LPAR6: variants seen among roughly 807,000 people sequenced by gnomAD.
LPAR6 encodes G-protein coupled purinergic receptor P2Y5.
LPAR6 carries 17 observed loss-of-function variants against 22.0 expected under a neutral mutation model. The ratio of observed to expected loss-of-function variants is 0.77; its 90% confidence interval spans 0.53 to 1.16. LPAR6 has a LOEUF of 1.16. Ranked by LOEUF, LPAR6 falls within the 50% of genes most tolerant of loss-of-function variation. The pLI, the probability that LPAR6 is intolerant of heterozygous loss-of-function variation, is 0.00. For synonymous variants in LPAR6, 136 were observed against 139.8 expected (o/e 0.97, Z 0.19); for missense variants, 384 against 406.9 (o/e 0.94, Z 0.48).
chr13:48,400,699 C>T (rs1948684446), intron 1 of LPAR6, among the ~76,000 whole-genome samples: 1 of 152,090 alleles, frequency 6.6e-6, no homozygotes, highest in African/African-American at 2.4e-5. Flanking sequence ...CAAATTATGT[C>T]TCTGTATCTC....
At position 48,411,305 on chromosome 13, in the gene LPAR6, G is replaced by A; in HGVS notation, c.*84C>T. 8.9e-7 allele frequency: 1 copy of A among 1,123,168 alleles called. No homozygotes were observed. Among genetic ancestry groups the A allele is most frequent in the Non-Finnish European group, 1.3e-6 (1 of 745,828 alleles). 69.6% of individuals were successfully genotyped at this position (1,123,168 alleles called of 1,614,324 possible). On this transcript the variant is annotated 3_prime_UTR_variant, in exon 1 of 1. Coordinates refer to ENST00000620633, the MANE Select transcript of LPAR6 (RefSeq NM_001162498.3). ...CCATGTGTTAATTTCTTTTGGAGGTGGAAAAATAGTTTGTCCAAAAAGACA... is the reference window on the plus strand; with the variant it reads ...CCATGTGTTAATTTCTTTTGGAGGTAGAAAAATAGTTTGTCCAAAAAGACA...
chr13:48,411,976 G>T lies in LPAR6; in HGVS notation c.448C>A (p.Pro150Thr). The change falls in exon 1 of 1, where the codon CCC (proline) becomes ACC (threonine). Residue 150 changes from proline to threonine, a missense_variant. Pro to Thr is a conservative substitution (Grantham distance 38). Coordinates refer to ENST00000620633, the MANE Select transcript of LPAR6 (RefSeq NM_001162498.3). ...VWLTVIGGSA[P>T]AVFVQSTHSQ... ...TGGGTAGACTGAACAAAAACGGCGGGTGCACTTCCTCCGATCACAGTTAAC... is the reference window on the plus strand; with the variant it reads ...TGGGTAGACTGAACAAAAACGGCGGTTGCACTTCCTCCGATCACAGTTAAC... The T allele has an allele frequency of 6.2e-7, 1 of 1,602,730 alleles. No homozygotes were observed. Among genetic ancestry groups the T allele is most frequent in the Non-Finnish European group, 8.5e-7 (1 of 1,173,754 alleles).
At chr13:48,441,181 G>A (rs1234698766) in intron 1 of LPAR6, among the ~76,000 whole-genome samples, 3 of 152,202 alleles carry the variant, frequency 2.0e-5, no homozygotes, top group African/African-American at 7.2e-5. Flanking sequence ...GCGGAGGCCT[G>A]TTTCCTGGTT....
chr13:48,421,806 A>T (rs1029029769), intron 2 of LPAR6, among the ~76,000 whole-genome samples: 5 of 152,234 alleles, frequency 3.3e-5, no homozygotes, highest in Non-Finnish European at 7.3e-5. Context: ...TGCAAATCAA[A>T]ACCACAATGA....
chr13:48,399,946 C>T (rs1312650606), intron 1 of LPAR6, among the ~76,000 whole-genome samples: 1 of 151,960 alleles, frequency 6.6e-6, no homozygotes, highest in Non-Finnish European at 1.5e-5. Flanking sequence ...TCACTCCTCC[C>T]CACCACACCA....
At chr13:48,433,181 C>T (rs1448742465) in intron 1 of LPAR6, among the ~76,000 whole-genome samples, 3 of 151,738 alleles carry the variant, frequency 2.0e-5, no homozygotes, top group African/African-American at 7.3e-5. Context: ...ATATCTAAAA[C>T]GTGACTTATT....
intron 1 of LPAR6, among the ~76,000 whole-genome samples, chr13:48,433,769 A>G (rs2138285688): frequency 6.6e-6 from 1 of 152,214 alleles, no homozygotes; most frequent in East Asian, 1.9e-4. Flanking sequence ...CTAGACAAAT[A>G]AGGACTTTGG....
intron 1 of LPAR6, among the ~76,000 whole-genome samples, chr13:48,392,653 T>C (rs1948619783): frequency 6.6e-6 from 1 of 152,186 alleles, no homozygotes; most frequent in African/African-American, 2.4e-5. Context: ...CTTTACCTTC[T>C]TGAACATATG....
intron 2 of LPAR6, among the ~76,000 whole-genome samples, chr13:48,418,660 C>T (rs1257720776): frequency 1.3e-5 from 2 of 150,052 alleles, no homozygotes; most frequent in East Asian, 1.9e-4. Context: ...TGCAAAGACA[C>T]GTGCTCTAAA....
At chr13:48,423,704 GA>G (rs1310065079) in intron 1 of LPAR6, among the ~76,000 whole-genome samples, 6 of 152,194 alleles carry the variant, frequency 3.9e-5, no homozygotes, top group Non-Finnish European at 8.8e-5. Context: ...AAAATCAAAT[GA>G]GAGAGTATGT....
Position 48,411,556 on chromosome 13 carries a change from C to T in LPAR6, c.868G>A (p.Val290Ile), listed in dbSNP as rs371355582. ...ATTGTGTCCGATGTAAAGTAGTAAA[C>T]TATAGGGTCAAAACAACAGTTGGAA... ...AVSNCCFDPI[V>I]YYFTSDTIQN... The change falls in exon 1 of 1, where the codon GTT becomes ATT. Residue 290 changes from valine to isoleucine, a missense_variant. By Grantham distance (29) the Val-to-Ile change is conservative (BLOSUM62 3). Transcript: ENST00000620633. The T allele has an allele frequency of 1.2e-5, 19 of 1,613,692 alleles. No homozygotes were observed. Among genetic ancestry groups the T allele is most frequent in the Non-Finnish European group, 1.6e-5 (19 of 1,179,850 alleles).
intron 1 of LPAR6, among the ~76,000 whole-genome samples, chr13:48,394,563 A>G (rs1194731606): frequency 1.3e-5 from 2 of 152,142 alleles, no homozygotes; most frequent in African/African-American, 4.8e-5. Flanking sequence ...AGAGCTAGGT[A>G]GGGGGAGGGG....
upstream of LPAR6, among the ~76,000 whole-genome samples, chr13:48,430,765 CAA>C (rs58163880): frequency 6.3e-3 from 951 of 150,054 alleles, 3 homozygotes; most frequent in Middle Eastern, 0.01. Context: ...AACAAACAAA[CAA>C]AAAAAAAAAA....
At position 48,440,366 on chromosome 13, in the gene LPAR6, G is replaced by A. The variant is rs4151571; in HGVS notation, c.-1474+4187C>T. Among the ~76,000 whole-genome samples, 115 of 152,320 alleles carry A rather than the reference G, an allele frequency of 7.5e-4. 3 individuals carry two copies. The highest frequency in any genetic ancestry group is 6.8e-3 in the Admixed American group (104 of 15,298). ...TGTGAGGCAAAGAGGAGGGAGGCTA[G>A]AGTTGATGAAGACATCTTTCTTTTA... On this transcript the variant is annotated intron_variant, in intron 1 of 6. Transcript: ENST00000378434.
Position 48,411,953 on chromosome 13 carries a change from G to A in LPAR6, c.471C>T (p.Thr157=). The A allele has an allele frequency of 6.2e-7, 1 of 1,612,488 alleles. No homozygotes were observed. The highest frequency in any genetic ancestry group is 1.3e-5 in the African/African-American group (1 of 74,990). The change falls in exon 1 of 1, where the codon ACC becomes ACT. Residue 157 remains threonine, a synonymous_variant. Coordinates refer to ENST00000620633, the MANE Select transcript of LPAR6 (RefSeq NM_001162498.3). The part of the protein sequence containing the change: ...GSAPAVFVQS[T]HSQGNNASEA... ...CTGAGGCATTGTTACCCTGAGAGTGGGTAGACTGAACAAAAACGGCGGGTG... is the reference window on the plus strand; with the variant it reads ...CTGAGGCATTGTTACCCTGAGAGTGAGTAGACTGAACAAAAACGGCGGGTG...
chr13:48,416,111 C>T (rs146773863), upstream of LPAR6, among the ~76,000 whole-genome samples: 295 of 152,144 alleles, frequency 1.9e-3, no homozygotes, highest in African/African-American at 6.6e-3. Context: ...TTGGGGGGAG[C>T]GAAAATTAAA....
chr13:48,396,076 G>C (rs1948645713), intron 1 of LPAR6, among the ~76,000 whole-genome samples: 1 of 152,196 alleles, frequency 6.6e-6, no homozygotes, highest in Non-Finnish European at 1.5e-5. Flanking sequence ...ACTGCCCACA[G>C]TAATTTATAG....
chr13:48,390,218 T>G (rs1948600605), intron 1 of LPAR6, among the ~76,000 whole-genome samples: 1 of 152,166 alleles, frequency 6.6e-6, no homozygotes, highest in Admixed American at 6.5e-5. Context: ...CATTAAATAA[T>G]TCATTCATTA....
chr13:48,403,977 G>A (rs999363430), intron 1 of LPAR6, among the ~76,000 whole-genome samples: 2 of 152,072 alleles, frequency 1.3e-5, no homozygotes, highest in African/African-American at 2.4e-5. Context: ...TTCCAGTCTG[G>A]GTGACAGAAT....
Sources: gnomAD v4.1 joint callset for allele counts (sites outside exome capture counted in the v4.1 genomes callset) on GRCh38, gnomAD v4.1.1 for gene constraint, MANE v1.5 for transcripts, NCBI Gene and HGNC (gene_info 2026-07-23, HGNC 2026-07-21) for gene names.